The following CYP2C19 variants were observed in gnomAD, a reference collection of about 807,000 sequenced individuals.
CYP2C19 encodes the protein cytochrome P450 2C19.
A neutral mutation model predicts 40.9 loss-of-function variants in CYP2C19; 59 were observed. That is an observed-to-expected ratio of 1.44 (90% CI 1.17 to 1.79). The LOEUF (loss-of-function observed/expected upper bound fraction) is 1.79, where lower values mean the gene tolerates loss of function less well. Ranked by LOEUF, CYP2C19 falls within the 40% of genes most tolerant of loss-of-function variation. The pLI, the probability that CYP2C19 is intolerant of heterozygous loss-of-function variation, is 0.00. For synonymous variants in CYP2C19, 253 were observed against 208.7 expected (o/e 1.21, Z -1.83); for missense variants, 754 against 596.9 (o/e 1.26, Z -2.74).
chr10:94,783,242 A>ATTATTATTGCACAT (rs1385427146), intron 5 of CYP2C19, among the ~76,000 whole-genome samples: 1 of 152,150 alleles, frequency 6.6e-6, no homozygotes, highest in Admixed American at 6.5e-5. Context: ...ATTATTGCAC[A>ATTATTATTGCACAT]CAGTTTATTG....
chr10:94,798,168 C>T (rs993521044), intron 5 of CYP2C19, among the ~76,000 whole-genome samples: 3 of 152,076 alleles, frequency 2.0e-5, no homozygotes, highest in African/African-American at 7.2e-5. Flanking sequence ...TTAAATGTGT[C>T]CCAGAGATTC....
Position 94,816,722 on chromosome 10 carries a change from TC to T in CYP2C19, c.820-3768del, listed in dbSNP as rs536920297. Among the ~76,000 whole-genome samples the T allele has an allele frequency of 3.2e-3, 327 of 103,002 alleles. 2 individuals are homozygous for T. The highest frequency in any genetic ancestry group is 0.012 in the African/African-American group (306 of 26,236). 67.6% of individuals were successfully genotyped at this position (103,002 alleles called of 152,430 possible). On this transcript the variant is annotated intron_variant, in intron 5 of 8. Coordinates refer to ENST00000371321, the MANE Select transcript of CYP2C19 (RefSeq NM_000769.4). Reference sequence around the variant, plus strand: ...TAGGTATATCTCCCAATGCTATCCCTCCCCCCTCCCCCCACCCCACATCAGT... The same window carrying T: ...TAGGTATATCTCCCAATGCTATCCCTCCCCCTCCCCCCACCCCACATCAGT...
At chr10:94,776,865 C>G (rs1476709705) in intron 3 of CYP2C19, among the ~76,000 whole-genome samples, 1 of 152,120 alleles carries the variant, frequency 6.6e-6, no homozygotes, top group Non-Finnish European at 1.5e-5. Flanking sequence ...CAAATTGTCT[C>G]TGTTTACAGA....
intron 7 of CYP2C19, among the ~76,000 whole-genome samples, chr10:94,846,250 C>T (rs750591659): frequency 6.6e-6 from 1 of 151,952 alleles, no homozygotes; most frequent in Admixed American, 6.6e-5. Flanking sequence ...AGAGTTGAGG[C>T]CTTTAGTCAT....
At chr10:94,768,765 C>T (rs866022183) in intron 1 of CYP2C19, among the ~76,000 whole-genome samples, 1 of 152,110 alleles carries the variant, frequency 6.6e-6, no homozygotes, top group Non-Finnish European at 1.5e-5. Flanking sequence ...GGTTGTTTCA[C>T]GAGTCTGAGT....
intron 6 of CYP2C19, among the ~76,000 whole-genome samples, chr10:94,830,857 T>G (rs1333735200): frequency 6.6e-6 from 1 of 152,184 alleles, no homozygotes; most frequent in East Asian, 1.9e-4. Flanking sequence ...AATAAGCATG[T>G]CATGGAGAAT....
chr10:94,796,365 G>A (rs1848687833), intron 5 of CYP2C19, among the ~76,000 whole-genome samples: 1 of 151,716 alleles, frequency 6.6e-6, no homozygotes, highest in Middle Eastern at 3.2e-3. Context: ...ATATCCATAT[G>A]GTACAAGTAC....
At chr10:94,793,521 C>T (rs1235497302) in intron 5 of CYP2C19, among the ~76,000 whole-genome samples, 3 of 152,128 alleles carry the variant, frequency 2.0e-5, no homozygotes, top group Non-Finnish European at 4.4e-5. Flanking sequence ...ATAATGGTGA[C>T]ATACAGATGG....
At chr10:94,780,446 G>C (rs1848464480) in intron 3 of CYP2C19, 53 bp from the exon 4 acceptor site, 1 of 1,591,096 alleles carries the variant, frequency 6.3e-7, no homozygotes, top group Non-Finnish European at 8.6e-7. Context: ...CAAATATGAA[G>C]TGTTTTATAT....
chr10:94,801,180 A>G (rs1589359228), intron 5 of CYP2C19, among the ~76,000 whole-genome samples: 1 of 152,150 alleles, frequency 6.6e-6, no homozygotes, highest in African/African-American at 2.4e-5. Context: ...TTTAAATGTC[A>G]TGTTAGGATG....
chr10:94,834,679 G>T (rs530658766), intron 6 of CYP2C19, among the ~76,000 whole-genome samples: 1 of 151,698 alleles, frequency 6.6e-6, no homozygotes, highest in South Asian at 2.1e-4. Flanking sequence ...CCCAATCATT[G>T]TCCCTCCCAC....
At chr10:94,777,556 A>G (rs183580233) in intron 3 of CYP2C19, among the ~76,000 whole-genome samples, 1 of 152,318 alleles carries the variant, frequency 6.6e-6, no homozygotes, top group African/African-American at 2.4e-5. Context: ...TGGGAAAAAG[A>G]TTCCCTATTT....
intron 7 of CYP2C19, among the ~76,000 whole-genome samples, chr10:94,849,228 A>C (rs1849615863): frequency 6.6e-6 from 1 of 152,198 alleles, no homozygotes; most frequent in African/African-American, 2.4e-5. Context: ...GTGGACAGGC[A>C]CTAAAGCCCA....
intron 6 of CYP2C19, among the ~76,000 whole-genome samples, chr10:94,828,222 G>T (rs1849263591): frequency 1.3e-5 from 2 of 151,746 alleles, no homozygotes; most frequent in Non-Finnish European, 2.9e-5. Context: ...TATCCTTGTT[G>T]ACTTTCTGTC....
At chr10:94,782,037 G>A (rs546324270) in intron 5 of CYP2C19, 40 bp downstream of exon 5, 110 of 1,480,484 alleles carry the variant, frequency 7.4e-5, no homozygotes, top group South Asian at 6.9e-4. Flanking sequence ...GACTGCTTGC[G>A]TATTTGTGAT....
At chr10:94,827,899 T>G (rs1181390214) in intron 6 of CYP2C19, among the ~76,000 whole-genome samples, 2 of 152,026 alleles carry the variant, frequency 1.3e-5, no homozygotes, top group Non-Finnish European at 2.9e-5. Flanking sequence ...ACATCTTTAT[T>G]TCTGCCTTCA....
At chr10:94,842,401 T>G (rs1849509384) in intron 6 of CYP2C19, among the ~76,000 whole-genome samples, 1 of 150,948 alleles carries the variant, frequency 6.6e-6, no homozygotes, top group African/African-American at 2.4e-5. Flanking sequence ...AAGTTTTTTT[T>G]TTTTTTTTTT....
intron 6 of CYP2C19, among the ~76,000 whole-genome samples, chr10:94,833,627 G>A (rs1849361725): frequency 6.6e-6 from 1 of 152,150 alleles, no homozygotes; most frequent in Non-Finnish European, 1.5e-5. Flanking sequence ...CATAAAAAAT[G>A]ATGAGTTCAT....
chr10:94,806,132 A>G (rs1255253017), intron 5 of CYP2C19, among the ~76,000 whole-genome samples: 8 of 151,518 alleles, frequency 5.3e-5, no homozygotes, highest in Admixed American at 4.0e-4. Flanking sequence ...GGTACCTCAT[A>G]GAAGTGGAAT....
Sources: gnomAD v4.1 joint callset for allele counts (sites outside exome capture counted in the v4.1 genomes callset) on GRCh38, gnomAD v4.1.1 for gene constraint, MANE v1.5 for transcripts, NCBI Gene and HGNC (gene_info 2026-07-23, HGNC 2026-07-21) for gene names.